The following DDHD1 variants were observed in gnomAD, a reference collection of about 807,000 sequenced individuals.
DDHD1 encodes phospholipase DDHD1.
DDHD1 carries 49 observed loss-of-function variants against 96.4 expected under a neutral mutation model. That is an observed-to-expected ratio of 0.51 (90% CI 0.40 to 0.64). The LOEUF (loss-of-function observed/expected upper bound fraction) is 0.64. DDHD1 is among the 30% of genes least tolerant of loss of function. DDHD1 has a pLI of 0.00. For missense variants in DDHD1, 1,106 were observed against 1,161.2 expected, an observed-to-expected ratio of 0.95 and a Z score of 0.69; for synonymous variants, 442 against 446.5, an observed-to-expected ratio of 0.99 and a Z score of 0.13.
At chr14:53,089,656 C>T (rs1886273101) in intron 4 of DDHD1, among the ~76,000 whole-genome samples, 1 of 152,096 alleles carries the variant, frequency 6.6e-6, no homozygotes, top group African/African-American at 2.4e-5. Context: ...AAACTGGATC[C>T]CTTCCTTACA....
At chr14:53,075,134 A>T (rs1159393741) in intron 4 of DDHD1, among the ~76,000 whole-genome samples, 2 of 152,134 alleles carry the variant, frequency 1.3e-5, no homozygotes, top group Non-Finnish European at 2.9e-5. Context: ...AAGTGAAAAG[A>T]AGAGTCGCTT....
At chr14:53,098,436 C>G (rs1426648601) in intron 2 of DDHD1, among the ~76,000 whole-genome samples, 1 of 151,846 alleles carries the variant, frequency 6.6e-6, no homozygotes, top group African/African-American at 2.4e-5. Flanking sequence ...ATTCCTACAA[C>G]AGAAAAACTA....
intron 8 of DDHD1, 134 bp downstream of exon 8, chr14:53,060,992 C>A: frequency 1.2e-6 from 1 of 841,006 alleles, no homozygotes. Context: ...CAGTGTCCAA[C>A]ATATAGTATA....
In DDHD1 at chr14:53,153,027, C is replaced by T; in HGVS notation, c.72G>A (p.Trp24Ter). 3 of 1,499,704 alleles carry T rather than the reference C, an allele frequency of 2.0e-6. No individual in the cohort carries two copies. The highest frequency in any genetic ancestry group is 2.8e-5 in the East Asian group (1 of 35,936). 92.9% of individuals were successfully genotyped at this position (1,499,704 alleles called of 1,614,324 possible). A position where few individuals can be genotyped will look rare whatever the true frequency, so the allele number is the denominator to read the frequency against. ...HNGRGGGGGA[W>*]ELGSDARPAF... is the part of the protein sequence containing the mutation. ...CTGGCCTCGCGTCTGAGCCCAGCTC[C>T]CAGGCGCCGCCGCCGCCGCCTCGGC... Residue 24 changes from tryptophan to a stop codon, truncating the protein, a stop_gained, in exon 1 of 13, where the codon TGG (tryptophan) becomes TGA (stop). Coordinates refer to ENST00000673822, the MANE Select transcript of DDHD1 (RefSeq NM_001160148.2). LOFTEE classifies it high-confidence loss of function.
chr14:53,059,863 CAAAAA>C (rs60708379), intron 8 of DDHD1, among the ~76,000 whole-genome samples: 8 of 18,512 alleles, frequency 4.3e-4, no homozygotes, highest in South Asian at 4.0e-3. Context: ...GACTCTGTCT[CAAAAA>C]AAAAAAAAAA....
chr14:53,123,136 ATTATT>A, intron 1 of DDHD1, among the ~76,000 whole-genome samples: 1 of 146,858 alleles, frequency 6.8e-6, no homozygotes, highest in African/African-American at 2.5e-5. Flanking sequence ...TATTATTATT[ATTATT>A]ATTATTATTA....
At position 53,043,329 on chromosome 14, in the gene DDHD1, G is replaced by C. The variant is rs1184657901; in HGVS notation, c.*3439C>G. 6.6e-6 allele frequency: 1 copy of C among 151,920 alleles called. No homozygotes were observed. The highest frequency in any genetic ancestry group is 2.4e-5 in the African/African-American group (1 of 41,300). The allele number at this position is 151,920 out of a possible 1,614,324, so 9.4% of individuals were successfully genotyped here. ...GATAACAGATGCCGTTTAACAGAAA[G>C]AAGTAAAACGTAAGATTCCTAAGGC... On this transcript the variant is annotated 3_prime_UTR_variant, in exon 13 of 13. Coordinates refer to ENST00000673822, the MANE Select transcript of DDHD1 (RefSeq NM_001160148.2).
chr14:53,061,263 T>G (rs1175389812), intron 7 of DDHD1, 62 bp from the exon 8 acceptor site: 26 of 1,438,014 alleles, frequency 1.8e-5, no homozygotes, highest in Non-Finnish European at 2.4e-5. Context: ...TATTAGATGC[T>G]TGCTAGCTTA....
chr14:53,089,326 T>C (rs749931801), intron 4 of DDHD1, among the ~76,000 whole-genome samples: 2 of 152,196 alleles, frequency 1.3e-5, no homozygotes, highest in Non-Finnish European at 2.9e-5. Context: ...CTAAAGTTCA[T>C]ATGGAACCAA....
intron 1 of DDHD1, among the ~76,000 whole-genome samples, chr14:53,106,600 T>G (rs1887705621): frequency 1.3e-5 from 2 of 152,218 alleles, no homozygotes; most frequent in South Asian, 4.2e-4. Context: ...GAGGTTGCAG[T>G]GAGCCAAGAT....
In DDHD1 at chr14:53,152,307, G is replaced by A. The variant is rs1566614291; in HGVS notation, c.792C>T (p.Tyr264=). 6.2e-7 allele frequency: 1 copy of A among 1,613,732 alleles called. No homozygotes were observed. Among genetic ancestry groups the A allele is most frequent in the Non-Finnish European group, 8.5e-7 (1 of 1,179,824 alleles). ...IEPVCVRGGL[Y]EVDVTQGECY... is the part of the protein sequence containing the mutation. ...ACTCTCCTTGGGTCACATCCACCTC[G>A]TAGAGGCCGCCCCGCACGCACACAG... is the stretch of plus-strand genomic sequence containing the variant. Residue 264 remains tyrosine (Y), a synonymous_variant, in exon 1 of 13, where the codon TAC becomes TAT. Coordinates refer to ENST00000673822, the MANE Select transcript of DDHD1 (RefSeq NM_001160148.2).
chr14:53,085,191 G>C (rs938868829), intron 4 of DDHD1, among the ~76,000 whole-genome samples: 4 of 152,224 alleles, frequency 2.6e-5, no homozygotes, highest in African/African-American at 9.6e-5. Context: ...ACCTCTGGGG[G>C]CAGGGCATAG....
intron 1 of DDHD1, among the ~76,000 whole-genome samples, chr14:53,108,186 C>T (rs779723452): frequency 5.9e-4 from 90 of 152,312 alleles, no homozygotes; most frequent in Non-Finnish European, 9.8e-4. Flanking sequence ...CCTCCGGATC[C>T]GGCAGGGTGT....
intron 1 of DDHD1, among the ~76,000 whole-genome samples, chr14:53,125,169 G>C (rs1940132617): frequency 6.6e-6 from 1 of 152,126 alleles, no homozygotes; most frequent in African/African-American, 2.4e-5. Context: ...TCCAACATAA[G>C]ACTCTTAGCC....
At chr14:53,113,471 T>C (rs1003428724) in intron 1 of DDHD1, among the ~76,000 whole-genome samples, 6 of 145,480 alleles carry the variant, frequency 4.1e-5, no homozygotes, top group Admixed American at 6.9e-5. Context: ...GATGGCCGAA[T>C]AGGAACAGCT....
At chr14:53,137,102 T>C (rs1231076983) in intron 1 of DDHD1, among the ~76,000 whole-genome samples, 1 of 151,906 alleles carries the variant, frequency 6.6e-6, no homozygotes, top group Non-Finnish European at 1.5e-5. Context: ...ATACCTAAAA[T>C]GAACTTCTAG....
intron 6 of DDHD1, among the ~76,000 whole-genome samples, chr14:53,069,341 C>T (rs1884317415): frequency 6.6e-6 from 1 of 152,192 alleles, no homozygotes; most frequent in Non-Finnish European, 1.5e-5. Context: ...CATGAACAGG[C>T]ATACCCTGTT....
chr14:53,098,091 G>A (rs761357189), intron 2 of DDHD1, among the ~76,000 whole-genome samples: 3 of 151,882 alleles, frequency 2.0e-5, no homozygotes, highest in East Asian at 1.9e-4. Context: ...GTTTACTATC[G>A]ATCCAAACAA....
chr14:53,143,566 T>C (rs542598913), intron 1 of DDHD1, among the ~76,000 whole-genome samples: 2 of 152,288 alleles, frequency 1.3e-5, no homozygotes, highest in South Asian at 2.1e-4. Flanking sequence ...CCTCATATTC[T>C]GTATCTGTCC....
Sources: allele counts gnomAD v4.1 joint callset (sites outside exome capture counted in the v4.1 genomes callset), GRCh38; gene constraint gnomAD v4.1.1; transcripts MANE v1.5; gene names NCBI Gene and HGNC (gene_info 2026-07-23, HGNC 2026-07-21).